Variants in RHOG observed in about 807,000 individuals in gnomAD.
RHOG encodes ras homolog family member G.
Under a neutral mutation model 12.3 loss-of-function variants are expected in RHOG, and 1 was observed. That is an observed-to-expected ratio of 0.08 (90% CI 0.03 to 0.39). The LOEUF (loss-of-function observed/expected upper bound fraction) is 0.39. RHOG is among the 10% of genes least tolerant of loss of function. The pLI is 0.99. For missense variants in RHOG, 114 were observed against 266.2 expected (o/e 0.43, Z 3.98); for synonymous variants, 129 against 116.0 (o/e 1.11, Z -0.72).
intron 1 of RHOG, among the ~76,000 whole-genome samples, chr11:3,837,442 C>T (rs1318733685): frequency 6.6e-6 from 1 of 152,164 alleles, no homozygotes; most frequent in Non-Finnish European, 1.5e-5. Flanking sequence ...TATGTACAGA[C>T]TACTCGGACC....
chr11:3,830,764 G>A (rs1056579986), intron 1 of RHOG: 1 of 152,180 alleles, frequency 6.6e-6, no homozygotes, highest in Non-Finnish European at 1.5e-5. Flanking sequence ...TTATGAGTGG[G>A]GTAAGTATGA....
Position 3,827,373 on chromosome 11 carries a change from G to A in RHOG, c.*190C>T. 3.3e-6 allele frequency: 2 copies of A among 598,836 alleles called. No individual in the cohort carries two copies. Among genetic ancestry groups the A allele is most frequent in the Admixed American group, 3.0e-5 (1 of 33,710 alleles). The allele number at this position is 598,836 out of a possible 1,614,324, so 37.1% of individuals were successfully genotyped here. On this transcript the variant is annotated 3_prime_UTR_variant, in exon 2 of 2. Transcript: ENST00000351018. The surrounding 1 kb of genome is among the most constrained non-coding windows in gnomAD (Gnocchi z 7.3). ...ACCCAGTGTTCCCAAGCAGAGGGGG[G>A]CAGAGCCCAAAGCCCCTTTCTCTGC... is the stretch of plus-strand genomic sequence containing the variant.
chr11:3,830,200 A>G (rs2090118283), intron 1 of RHOG, among the ~76,000 whole-genome samples: 1 of 152,320 alleles, frequency 6.6e-6, no homozygotes, highest in East Asian at 1.9e-4. Context: ...AGAAAATACC[A>G]TCATTAAGAA....
At chr11:3,835,511 C>T (rs1183577954) in intron 1 of RHOG, among the ~76,000 whole-genome samples, 2 of 152,050 alleles carry the variant, frequency 1.3e-5, no homozygotes, top group South Asian at 2.1e-4. Context: ...AATGACATAC[C>T]CCTCCTCCCC....
At chr11:3,836,019 G>A (rs2090153489) in intron 1 of RHOG, among the ~76,000 whole-genome samples, 1 of 150,232 alleles carries the variant, frequency 6.7e-6, no homozygotes, top group South Asian at 2.1e-4. Flanking sequence ...CCCATCAGCA[G>A]GGAAGAACCC....
At chr11:3,831,712 T>C (rs929948665) in intron 1 of RHOG, among the ~76,000 whole-genome samples, 1 of 152,204 alleles carries the variant, frequency 6.6e-6, no homozygotes, top group African/African-American at 2.4e-5. Context: ...TAAAGCTCCT[T>C]GGAGGCAGGG....
In RHOG at chr11:3,828,150, T is replaced by C. The variant is rs2090097368; in HGVS notation, c.-12A>G. On this transcript the variant is annotated 5_prime_UTR_variant, in exon 2 of 2. Coordinates refer to ENST00000351018, the MANE Select transcript of RHOG (RefSeq NM_001665.4). The stretch of plus-strand genomic sequence containing the variant: ...TTGATGCTCTGCATCGTGGGTGCAG[T>C]TGCTGTAGTGGAGGCAGTGCCTCCT... 6.2e-7 allele frequency: 1 copy of C among 1,608,284 alleles called. No individual in the cohort carries two copies. The highest frequency in any genetic ancestry group is 8.5e-7 in the Non-Finnish European group (1 of 1,175,690).
chr11:3,827,956 C>T lies in RHOG; in HGVS notation c.183G>A (p.Gln61=). The change falls in exon 2 of 2, where the codon CAG becomes CAA. Residue 61 remains glutamine, a synonymous_variant. Transcript: ENST00000351018. This position sits in a 1 kb window ranked among gnomAD's most constrained non-coding sequence, Gnocchi z 7.3. The stretch of plus-strand genomic sequence containing the variant: ...GTGTACGGAGGCGGTCATACTCCTC[C>T]TGGCCCGCAGTGTCCCACAGGTTCA... The part of the protein sequence containing the change: ...VNLNLWDTAG[Q]EEYDRLRTLS... The T allele has an allele frequency of 1.2e-6, 2 of 1,614,282 alleles. No individual in the cohort carries two copies. Among genetic ancestry groups the T allele is most frequent in the Non-Finnish European group, 1.7e-6 (2 of 1,180,048 alleles).
intron 1 of RHOG, among the ~76,000 whole-genome samples, chr11:3,838,737 G>T (rs2090170650): frequency 6.6e-6 from 1 of 152,108 alleles, no homozygotes; most frequent in African/African-American, 2.4e-5. Flanking sequence ...TTTTCTAGTG[G>T]AGAGAAATGA....
At chr11:3,840,773 C>G (rs1226360878) in intron 1 of RHOG, 121 bp downstream of exon 1, 1 of 152,184 alleles carries the variant, frequency 6.6e-6, no homozygotes, top group African/African-American at 2.4e-5. Flanking sequence ...TGGACTGAAC[C>G]GAGAAGCTCC....
chr11:3,829,896 GC>G (rs907847639), intron 1 of RHOG, among the ~76,000 whole-genome samples: 11 of 152,244 alleles, frequency 7.2e-5, no homozygotes, highest in African/African-American at 2.6e-4. Context: ...ACAGGCGCAT[GC>G]CACCACGTCC....
intron 1 of RHOG, among the ~76,000 whole-genome samples, chr11:3,833,987 A>G (rs1205038593): frequency 2.6e-5 from 4 of 152,132 alleles, no homozygotes; most frequent in African/African-American, 7.2e-5. Flanking sequence ...CAGTGTCGCG[A>G]TCTCAGCTCA....
In RHOG at chr11:3,840,875, A is replaced by G. The variant is rs1436387911; in HGVS notation, c.-69+19T>C. ...CTCCTCCCCCGGACCCCTACCCGCC[A>G]GCCCCGGCCGGGCCTCACCTGGTGC... On this transcript the variant is annotated intron_variant, in intron 1 of 1. Coordinates refer to ENST00000351018, the MANE Select transcript of RHOG (RefSeq NM_001665.4). 2 of 151,598 alleles carry G rather than the reference A, an allele frequency of 1.3e-5. No individual in the cohort carries two copies. The highest frequency in any genetic ancestry group is 4.9e-5 in the African/African-American group (2 of 41,192). The allele number at this position is 151,598 out of a possible 1,614,324, so 9.4% of individuals were successfully genotyped here. A position where few individuals can be genotyped will look rare whatever the true frequency, so the allele number is the denominator to read the frequency against.
rs138148091 is a variant in RHOG at position 3,834,954 on chromosome 11, G to A, written c.-69+5940C>T. On this transcript the variant is annotated intron_variant, in intron 1 of 1. Coordinates refer to ENST00000351018, the MANE Select transcript of RHOG (RefSeq NM_001665.4). ...ATTCCAATCCTGATCCTCTACAAAG[G>A]GGCCTCCATATTCTCTTCCGTAAAA... 3.4e-3 allele frequency among the ~76,000 whole-genome samples: 515 copies of A among 152,194 alleles called. 6 individuals carry two copies. The highest frequency in any genetic ancestry group is 0.012 in the African/African-American group (491 of 41,522).
intron 1 of RHOG, among the ~76,000 whole-genome samples, chr11:3,833,405 C>T (rs2090141204): frequency 6.6e-6 from 1 of 152,200 alleles, no homozygotes; most frequent in Non-Finnish European, 1.5e-5. Context: ...TGGGCGTGGG[C>T]CACCATGCCT....
At position 3,827,872 on chromosome 11, in the gene RHOG, G is replaced by A; in HGVS notation, c.267C>T (p.Ser89=). ...VICFSIASPP[S]YENVRHKWHP... ...GCCACTTGTGCCGCACGTTCTCATA[G>A]GACGGCGGACTGGCAATGGAGAAAC... The change falls in exon 2 of 2, where the codon TCC becomes TCT. Residue 89 remains serine (S), a synonymous_variant. Coordinates refer to ENST00000351018, the MANE Select transcript of RHOG (RefSeq NM_001665.4). The surrounding 1 kb of genome is among the most constrained non-coding windows in gnomAD (Gnocchi z 7.3). 6.2e-7 allele frequency: 1 copy of A among 1,614,246 alleles called. No individual in the cohort carries two copies. Among genetic ancestry groups the A allele is most frequent in the Middle Eastern group, 1.6e-4 (1 of 6,062 alleles).
chr11:3,827,519 T>G lies in RHOG; in HGVS notation c.*44A>C. 3.3e-6 allele frequency: 5 copies of G among 1,518,388 alleles called. No individual in the cohort carries two copies. Among genetic ancestry groups the G allele is most frequent in the Non-Finnish European group, 3.6e-6 (4 of 1,112,400 alleles). 94.1% of individuals were successfully genotyped at this position (1,518,388 alleles called of 1,614,324 possible). ...GGCGGACAAGGCACCAAGGCACAAC[T>G]GGTGGGGGGAGGGCAGGGGCAGCCT... On this transcript the variant is annotated 3_prime_UTR_variant, in exon 2 of 2. Transcript: ENST00000351018. This position sits in a 1 kb window ranked among gnomAD's most constrained non-coding sequence, Gnocchi z 7.3.
intron 1 of RHOG, among the ~76,000 whole-genome samples, chr11:3,833,506 A>G (rs1327331901): frequency 6.6e-6 from 1 of 152,190 alleles, no homozygotes; most frequent in Non-Finnish European, 1.5e-5. Context: ...TCATACTGGC[A>G]TTCAGAGTTC....
intron 1 of RHOG, chr11:3,840,593 C>T (rs1173214772): frequency 1.3e-5 from 2 of 151,622 alleles, no homozygotes; most frequent in Non-Finnish European, 2.9e-5. Context: ...CAGCTCTGAG[C>T]TCTTCCACTT....
Sources: gnomAD v4.1 joint callset for allele counts (sites outside exome capture counted in the v4.1 genomes callset) on GRCh38, gnomAD v4.1.1 for gene constraint, Gnocchi (gnomAD v3.1) non-coding constraint, MANE v1.5 for transcripts, NCBI Gene and HGNC (gene_info 2026-07-23, HGNC 2026-07-21) for gene names.